Variants in IL12RB1 observed in about 807,000 individuals in gnomAD.
The protein encoded by IL12RB1 is interleukin-12 receptor subunit beta-1.
A neutral mutation model predicts 94.4 loss-of-function variants in IL12RB1; 64 were observed. The ratio of observed to expected loss-of-function variants is 0.68; its 90% CI spans 0.55 to 0.83. The LOEUF (loss-of-function observed/expected upper bound fraction) is 0.83, where lower values mean the gene tolerates loss of function less well. Among genes scored for constraint, IL12RB1 ranks in the 40% least tolerant of loss-of-function variants. The pLI, the probability that IL12RB1 is intolerant of heterozygous loss-of-function variation, is 0.00. For missense variants in IL12RB1, 814 were observed against 855.6 expected (o/e 0.95, Z 0.61); for synonymous variants, 362 against 355.5 (o/e 1.02, Z -0.21).
At chr19:18,093,935 C>T (rs1385012732) in intron 1 of IL12RB1, among the ~76,000 whole-genome samples, 1 of 152,070 alleles carries the variant, frequency 6.6e-6, no homozygotes, top group Non-Finnish European at 1.5e-5. Context: ...TCCATGTGGC[C>T]AAGAGACCCT....
At chr19:18,090,332 A>G (rs147050737), upstream of IL12RB1, among the ~76,000 whole-genome samples, 385 of 152,260 alleles carry the variant, frequency 2.5e-3, 2 homozygotes, top group African/African-American at 8.7e-3. Flanking sequence ...GCCACAGAGC[A>G]AGACCCTGCT....
intron 4 of IL12RB1, among the ~76,000 whole-genome samples, chr19:18,080,043 C>A (rs2146374163): frequency 6.6e-6 from 1 of 152,028 alleles, no homozygotes; most frequent in East Asian, 1.9e-4. Flanking sequence ...TCATTCTTTT[C>A]TTTTCTTTTT....
intron 1 of IL12RB1, among the ~76,000 whole-genome samples, chr19:18,095,008 G>A (rs1222540286): frequency 2.0e-5 from 3 of 151,926 alleles, no homozygotes; most frequent in Admixed American, 2.0e-4. Context: ...TGAAACCCCC[G>A]TCTCTACTAA....
chr19:18,067,627 C>A (rs1479122448), intron 11 of IL12RB1, among the ~76,000 whole-genome samples: 1 of 151,952 alleles, frequency 6.6e-6, no homozygotes, highest in Non-Finnish European at 1.5e-5. Context: ...CATGCTAAAA[C>A]CCTGTCTCTA....
intron 5 of IL12RB1, among the ~76,000 whole-genome samples, chr19:18,077,046 A>G (rs188749645): frequency 2.6e-4 from 39 of 152,280 alleles, no homozygotes; most frequent in African/African-American, 7.7e-4. Context: ...AGGTTATTCC[A>G]AAAGAAAAAA....
At position 18,069,598 on chromosome 19, in the gene IL12RB1, G is replaced by C. The variant is rs141203967; in HGVS notation, c.1137C>G (p.Gly379=). The change falls in exon 10 of 17, where the codon GGC becomes GGG. Residue 379 remains glycine (G), a synonymous_variant. Coordinates refer to ENST00000593993, the MANE Select transcript of IL12RB1 (RefSeq NM_005535.3). ...IEWQPVGQDG[G]LATCSLTAPQ... Reference sequence around the variant, plus strand: ...GCGCAGTCAGGCTGCAGGTGGCAAGGCCCCCGTCCTGGCCCACAGGCTGCC... The same window carrying C: ...GCGCAGTCAGGCTGCAGGTGGCAAGCCCCCCGTCCTGGCCCACAGGCTGCC... The C allele has an allele frequency of 1.9e-6, 3 of 1,612,612 alleles. No individual in the cohort carries two copies. The African/African-American group carries it at 4.0e-5, about 21-fold the overall frequency.
At chr19:18,070,640 AC>A in intron 9 of IL12RB1, 7 of 534,534 alleles carry the variant, frequency 1.3e-5, no homozygotes, top group South Asian at 8.1e-5. Context: ...GCACCATTTC[AC>A]TATGATATGG....
chr19:18,082,044 T>A (rs1053509256), intron 3 of IL12RB1, 106 bp downstream of exon 3: 4 of 732,922 alleles, frequency 5.5e-6, no homozygotes, highest in South Asian at 1.5e-5. Context: ...CAGGAAGGAG[T>A]GTTGACCCAG....
exon 1 of IL12RB1, chr19:18,098,771 G>A (rs1469147401): frequency 8.8e-6 from 4 of 456,686 alleles, no homozygotes; most frequent in Non-Finnish European, 1.3e-5. Flanking sequence ...AACATTTATG[G>A]AGCGCCTGCT....
At position 18,082,356 on chromosome 19, in the gene IL12RB1, C is replaced by T. The variant is rs845375; in HGVS notation, c.125-92G>A. ...TCTTTGTGATGCTTACATCTTTCAG[C>T]GTCACCTCAGCCTAAACCCTCCCCG... On this transcript the variant is annotated intron_variant, in intron 2 of 16. Coordinates refer to ENST00000593993, the MANE Select transcript of IL12RB1 (RefSeq NM_005535.3). 9.5e-3 allele frequency: 7,364 copies of T among 771,914 alleles called. 390 individuals are homozygous for T. In the African/African-American group the frequency reaches 0.11, roughly 12 times the overall value. 47.8% of individuals were successfully genotyped at this position (771,914 alleles called of 1,614,324 possible). A position where few individuals can be genotyped will look rare whatever the true frequency, so the allele number is the denominator to read the frequency against.
Position 18,071,346 on chromosome 19 carries a change from A to G in IL12RB1, c.1021+766T>C, listed in dbSNP as rs557919050. The G allele has an allele frequency of 2.8e-4, 268 of 943,996 alleles. 4 individuals carry two copies. In the South Asian group the frequency reaches 3.5e-3, roughly 12 times the overall value. The allele number at this position is 943,996 out of a possible 1,614,324, so 58.5% of individuals were successfully genotyped here. ...GAGATCATGCCATCTGTCACAAGAA[A>G]AAAAAGAAATTAGATCTTAAATAAA... On this transcript the variant is annotated intron_variant, in intron 9 of 16. Coordinates refer to ENST00000593993, the MANE Select transcript of IL12RB1 (RefSeq NM_005535.3).
upstream of IL12RB1, among the ~76,000 whole-genome samples, chr19:18,091,863 C>CTT (rs1189156834): frequency 7.5e-6 from 1 of 132,470 alleles, no homozygotes; most frequent in African/African-American, 3.1e-5. Flanking sequence ...TGATGCCTGG[C>CTT]TTTTCTTTTT....
At chr19:18,064,139 T>TTTC in intron 12 of IL12RB1, 129 bp from the exon 13 acceptor site, 1 of 210,054 alleles carries the variant, frequency 4.8e-6, no homozygotes, top group South Asian at 1.1e-4. Flanking sequence ...TCTTTCTTTC[T>TTTC]TTTTTTTTTT....
In IL12RB1 at chr19:18,069,632, C is replaced by G; in HGVS notation, c.1103G>C (p.Cys368Ser). 6.2e-7 allele frequency: 1 copy of G among 1,613,498 alleles called. No homozygotes were observed. Among genetic ancestry groups the G allele is most frequent in the South Asian group, 1.1e-5 (1 of 91,088 alleles). ...WPARAQSMTY[C>S]IEWQPVGQDG... ...CTGGCCCACAGGCTGCCATTCAATG[C>G]AATACGTCATGCTCTGAGCCCGGGC... Residue 368 changes from cysteine (C) to serine (S), a missense_variant, in exon 10 of 17, where the codon TGC becomes TCC. Physicochemically the swap from Cys to Ser is moderately radical, Grantham distance 112. Coordinates refer to ENST00000593993, the MANE Select transcript of IL12RB1 (RefSeq NM_005535.3).
At position 18,098,462 on chromosome 19, in the gene IL12RB1, C is replaced by T. The variant is rs367987087; in HGVS notation, c.-230+293G>A. Among the ~76,000 whole-genome samples, 25 of 152,244 alleles carry T rather than the reference C, an allele frequency of 1.6e-4. No individual in the cohort carries two copies. The East Asian group carries it at 4.8e-3, about 29-fold the overall frequency. On this transcript the variant is annotated intron_variant, in intron 1 of 4. Transcript: ENST00000594176. ...GGAGGGCACCCTTGCTTCTCTGGGCCTCAGTTTTCCAATGAGCCATAGGGT... is the reference window on the plus strand; with the variant it reads ...GGAGGGCACCCTTGCTTCTCTGGGCTTCAGTTTTCCAATGAGCCATAGGGT...
intron 14 of IL12RB1, 147 bp downstream of exon 14, chr19:18,062,034 A>G: frequency 1.6e-6 from 1 of 614,192 alleles, no homozygotes; most frequent in Admixed American, 2.5e-5. Context: ...CTGCTTCAAT[A>G]AAGCTGTTTT....
At position 18,062,183 on chromosome 19, in the gene IL12RB1, G is replaced by T; in HGVS notation, c.1713C>A (p.Asn571Lys). ...TAACGGTAAGAGGTGTCAGTTACCTGTTCAGGCCAAGGTAGCCAAGGACGC... is the reference window on the plus strand; with the variant it reads ...TAACGGTAAGAGGTGTCAGTTACCTTTTCAGGCCAAGGTAGCCAAGGACGC... ...LVGVLGYLGL[N>K]RAARHLCPPL... Residue 571 changes from asparagine to lysine, a missense_variant and splice_region_variant, in exon 14 of 17, where the codon AAC becomes AAA. Physicochemically the swap from Asn to Lys is moderately conservative, Grantham distance 94. Coordinates refer to ENST00000593993, the MANE Select transcript of IL12RB1 (RefSeq NM_005535.3). 6.2e-7 allele frequency: 1 copy of T among 1,602,532 alleles called. No homozygotes were observed. The highest frequency in any genetic ancestry group is 8.5e-7 in the Non-Finnish European group (1 of 1,169,688).
intron 4 of IL12RB1, among the ~76,000 whole-genome samples, chr19:18,079,534 C>G (rs8109496): frequency 0.17 from 26,159 of 152,116 alleles, 2,398 homozygotes; most frequent in Non-Finnish European, 0.21. Flanking sequence ...TACATCTCCC[C>G]CATTTCCTCC....
rs572228020 is a variant in IL12RB1, at chr19:18,098,915, A to T, written c.-390T>A. The T allele has an allele frequency of 1.8e-5, 7 of 380,296 alleles. No individual in the cohort carries two copies. In the East Asian group the frequency reaches 4.5e-4, roughly 24 times the overall value. 23.6% of individuals were successfully genotyped at this position (380,296 alleles called of 1,614,324 possible). A position where few individuals can be genotyped will look rare whatever the true frequency, so the allele number is the denominator to read the frequency against. On this transcript the variant is annotated 5_prime_UTR_variant, in exon 1 of 5. Transcript: ENST00000594176. ...ACGGAGTGATCAGTTGTGATAAGGGACTCACAGCAAGTGAAGGAGGCGCCT... is the reference window on the plus strand; with the variant it reads ...ACGGAGTGATCAGTTGTGATAAGGGTCTCACAGCAAGTGAAGGAGGCGCCT...
Sources: allele counts gnomAD v4.1 joint callset (sites outside exome capture counted in the v4.1 genomes callset), GRCh38; gene constraint gnomAD v4.1.1; transcripts MANE v1.5; gene names NCBI Gene and HGNC (gene_info 2026-07-23, HGNC 2026-07-21).